Variants in TEX101 observed in about 807,000 individuals in gnomAD.
The protein encoded by TEX101 is testis-expressed protein 101.
TEX101 carries 10 observed loss-of-function variants against 18.1 expected under a neutral mutation model. The ratio of observed to expected loss-of-function variants is 0.55; its 90% CI spans 0.34 to 0.94. The LOEUF is 0.94. Among genes scored for constraint, TEX101 ranks in the 40% least tolerant of loss-of-function variants. The probability of loss-of-function intolerance (pLI) is 0.02; values close to 1 mark genes in which losing one functional copy is unlikely to be tolerated. For synonymous variants in TEX101, 94 were observed against 114.8 expected (o/e 0.82, Z 1.16); for missense variants, 259 against 298.9 (o/e 0.87, Z 0.98).
chr19:43,413,538 T>C (rs1373933299), upstream of TEX101, among the ~76,000 whole-genome samples: 1 of 150,186 alleles, frequency 6.7e-6, no homozygotes, highest in East Asian at 2.0e-4. Context: ...TTCAGGGAGC[T>C]CGGCTCTTAA....
At chr19:43,389,645 G>C in the TEX101 span, among the ~76,000 whole-genome samples, 84 of 152,156 alleles carry the variant, frequency 5.5e-4, no homozygotes, top group African/African-American at 2.0e-3. Context: ...TCTTGCTGGA[G>C]TGAGCTGGGC....
rs1970478988 is a variant in TEX101 at position 43,416,429 on chromosome 19, A to G, written c.265A>G (p.Ile89Val). 6.2e-7 allele frequency: 1 copy of G among 1,614,194 alleles called. No homozygotes were observed. The highest frequency in any genetic ancestry group is 1.3e-5 in the African/African-American group (1 of 75,044). The change falls in exon 4 of 6, where the codon ATA (isoleucine) becomes GTA (valine). Residue 89 changes from isoleucine (I) to valine (V), a missense_variant. Coordinates refer to ENST00000598265, the MANE Select transcript of TEX101 (RefSeq NM_001130011.3). ...CTGCATCCCGGAAGGGGAGGAGGCC[A>G]TAACAATTGTCCAGCACTCTTCACC... ...KGCIPEGEEA[I>V]TIVQHSSPPG...
chr19:43,406,663 G>C, intron 3 of TEX101: 2 of 574,560 alleles, frequency 3.5e-6, no homozygotes, highest in Non-Finnish European at 3.2e-6. Context: ...GGCAGCGCTA[G>C]ATGGGGAGAC....
At chr19:43,395,824 T>G in the TEX101 span, among the ~76,000 whole-genome samples, 1 of 152,194 alleles carries the variant, frequency 6.6e-6, no homozygotes, top group African/African-American at 2.4e-5. Context: ...CAGGTCCAGG[T>G]GTTGCTCATC....
rs149972012 is a variant in TEX101 at position 43,415,928 on chromosome 19, C to T, written c.9C>T (p.Thr3=). The T allele has an allele frequency of 2.2e-5, 35 of 1,614,172 alleles. No individual in the cohort carries two copies. The African/African-American group carries it at 3.9e-4, about 18-fold the overall frequency. The change falls in exon 2 of 6, where the codon ACC becomes ACT. Residue 3 remains threonine (T), a synonymous_variant. Coordinates refer to ENST00000598265, the MANE Select transcript of TEX101 (RefSeq NM_001130011.3). ...CCTCTCCAGAAGAAGCCATGGGAAC[C>T]CCTCGTATCCAGCATTTGCTGATCC... MG[T]PRIQHLLILL...
intron 3 of TEX101, among the ~76,000 whole-genome samples, chr19:43,406,891 T>C (rs914944965): frequency 6.6e-6 from 1 of 151,874 alleles, no homozygotes; most frequent in Non-Finnish European, 1.5e-5. Context: ...AAAGCATTCA[T>C]AGGAATGAGG....
chr19:43,416,654 C>T, intron 4 of TEX101, 99 bp downstream of exon 4: 1 of 1,205,582 alleles, frequency 8.3e-7, no homozygotes, highest in Non-Finnish European at 1.2e-6. Context: ...CCTAAGTGGT[C>T]CATACCCCAA....
At chr19:43,394,456 T>C in the TEX101 span, among the ~76,000 whole-genome samples, 1 of 151,908 alleles carries the variant, frequency 6.6e-6, no homozygotes, top group Non-Finnish European at 1.5e-5. Context: ...GAAATTCAGA[T>C]GAATTGCCTG....
rs1970507262 is a variant in TEX101 at position 43,418,426 on chromosome 19, A to T, written c.*29A>T. The T allele has an allele frequency of 1.3e-6, 2 of 1,582,514 alleles. No individual in the cohort carries two copies. Among genetic ancestry groups the T allele is most frequent in the African/African-American group, 2.7e-5 (2 of 74,018 alleles). On this transcript the variant is annotated 3_prime_UTR_variant, in exon 6 of 6. Transcript: ENST00000598265. ...GGCACTTCTGGGCCTGGGTCTGAGG[A>T]CATCTTTTTTGACTGGGAGCCTTCT...
upstream of TEX101, among the ~76,000 whole-genome samples, chr19:43,411,746 G>A (rs1482485586): frequency 6.6e-6 from 1 of 151,724 alleles, no homozygotes; most frequent in African/African-American, 2.4e-5. Context: ...CGCCTCCCAG[G>A]TTCAAGTGAT....
intron 1 of TEX101, 44 bp from the exon 2 acceptor site, chr19:43,415,837 C>T (rs1270696726): frequency 1.3e-6 from 2 of 1,566,724 alleles, no homozygotes; most frequent in African/African-American, 1.4e-5. Context: ...ATCTCATGCA[C>T]TCTGGCTGAA....
chr19:43,394,017 G>C, the TEX101 span, among the ~76,000 whole-genome samples: 15 of 151,504 alleles, frequency 9.9e-5, no homozygotes, highest in African/African-American at 3.6e-4. Context: ...AAACTTCTTG[G>C]CTAAAATCCA....
chr19:43,393,266 GCAGA>G, the TEX101 span, among the ~76,000 whole-genome samples: 26 of 152,108 alleles, frequency 1.7e-4, no homozygotes, highest in Non-Finnish European at 2.2e-4. Context: ...AGAGAGAGAG[GCAGA>G]CAGACAAGAG....
intron 5 of TEX101, 77 bp downstream of exon 5, chr19:43,418,083 A>T: frequency 6.2e-7 from 1 of 1,612,430 alleles, no homozygotes; most frequent in South Asian, 1.1e-5. Flanking sequence ...TCTGACACTG[A>T]GCTCTCCAGG....
At chr19:43,415,727 T>C (rs545989718) in intron 1 of TEX101, among the ~76,000 whole-genome samples, 154 bp from the exon 2 acceptor site, 5 of 149,712 alleles carry the variant, frequency 3.3e-5, no homozygotes, top group Non-Finnish European at 7.4e-5. Context: ...GCCACTGCAC[T>C]CCAGCCTGGG....
upstream of TEX101, among the ~76,000 whole-genome samples, chr19:43,414,386 C>T (rs1023627769): frequency 1.4e-4 from 22 of 152,078 alleles, no homozygotes; most frequent in African/African-American, 5.3e-4. Flanking sequence ...GAGGCTGGTG[C>T]GATAGCGCAA....
upstream of TEX101, among the ~76,000 whole-genome samples, chr19:43,412,562 G>A (rs1365716567): frequency 6.6e-6 from 1 of 152,172 alleles, no homozygotes; most frequent in Non-Finnish European, 1.5e-5. Context: ...TCTTCTAGGT[G>A]TGAGATGGAG....
chr19:43,401,783 G>A (rs1391880318), intron 1 of TEX101, among the ~76,000 whole-genome samples: 1 of 152,060 alleles, frequency 6.6e-6, no homozygotes, highest in African/African-American at 2.4e-5. Context: ...AACCCGGGAG[G>A]CGGTAAGCTG....
the TEX101 span, among the ~76,000 whole-genome samples, chr19:43,389,954 GCTT>G: frequency 1.5e-3 from 228 of 152,270 alleles, 3 homozygotes; most frequent in South Asian, 0.023. Context: ...ATCCGAGCCA[GCTT>G]CTTCTCTGTG....
Sources: allele counts gnomAD v4.1 joint callset (sites outside exome capture counted in the v4.1 genomes callset), GRCh38; gene constraint gnomAD v4.1.1; transcripts MANE v1.5; gene names NCBI Gene and HGNC (gene_info 2026-07-23, HGNC 2026-07-21).